The following DLG2 variants were observed in gnomAD, a reference collection of about 807,000 sequenced individuals.
DLG2 encodes discs large MAGUK scaffold protein 2, also known as disks large homolog 2.
Under a neutral mutation model 132.5 loss-of-function variants are expected in DLG2, and 45 were observed. The ratio of observed to expected loss-of-function variants is 0.34; its 90% CI spans 0.27 to 0.44. The LOEUF (loss-of-function observed/expected upper bound fraction) is 0.44, where lower values mean the gene tolerates loss of function less well. Ranked by LOEUF, DLG2 falls within the 20% of genes least tolerant of loss-of-function variation. DLG2 has a pLI of 1.00. For missense variants in DLG2, 1,045 were observed against 1,196.9 expected (o/e 0.87, Z 1.87); for synonymous variants, 424 against 419.6 (o/e 1.01, Z -0.13).
intron 15 of DLG2, among the ~76,000 whole-genome samples, chr11:83,908,830 C>T (rs2075524619): frequency 6.6e-6 from 1 of 152,204 alleles, no homozygotes; most frequent in East Asian, 1.9e-4. Context: ...AACTCCTAGG[C>T]TCAAGTGATT....
Position 85,337,916 on chromosome 11 carries a change from A to C in DLG2, c.41-52551T>G, listed in dbSNP as rs563356696. On this transcript the variant is annotated intron_variant, in intron 3 of 27. Coordinates refer to ENST00000376104, the MANE Select transcript of DLG2 (RefSeq NM_001142699.3). ...CTAGAAATATTAAATGTAATCATTA[A>C]AGTTAAAAATTCACTTGACTAGTTA... Among the ~76,000 whole-genome samples, 5 of 152,374 alleles carry C rather than the reference A, an allele frequency of 3.3e-5. No homozygotes were observed. The South Asian group carries it at 1.0e-3, about 32-fold the overall frequency.
chr11:84,163,634 G>T, intron 8 of DLG2, 123 bp from the exon 9 acceptor site: 1 of 727,354 alleles, frequency 1.4e-6, no homozygotes, highest in Non-Finnish European at 2.2e-6. Context: ...ACATTTTCTT[G>T]ATATTTCTGA....
chr11:85,249,025 A>AT (rs577850851), intron 4 of DLG2, among the ~76,000 whole-genome samples: 141 of 152,120 alleles, frequency 9.3e-4, no homozygotes, highest in African/African-American at 3.2e-3. Context: ...ACATCTAAGG[A>AT]TTTTTTTTAA....
chr11:84,142,403 T>C (rs1466679374), intron 9 of DLG2, among the ~76,000 whole-genome samples: 2 of 151,584 alleles, frequency 1.3e-5, no homozygotes, highest in Non-Finnish European at 2.9e-5. Flanking sequence ...TTGCCAGAGA[T>C]AAATTTAAAA....
chr11:83,569,213 T>G (rs2096758784), intron 19 of DLG2, among the ~76,000 whole-genome samples: 1 of 152,156 alleles, frequency 6.6e-6, no homozygotes, highest in South Asian at 2.1e-4. Flanking sequence ...TTTTTTTAAT[T>G]CTGAATTTGA....
intron 6 of DLG2, among the ~76,000 whole-genome samples, chr11:85,065,565 A>G (rs554418495): frequency 6.6e-6 from 1 of 150,678 alleles, no homozygotes; most frequent in Non-Finnish European, 1.5e-5. Context: ...TTTATTAAAA[A>G]TTTTTTTTAT....
chr11:85,611,092 G>C lies in DLG2; in HGVS notation c.-92-12304C>G, dbSNP rs370292826. 5.3e-5 allele frequency among the ~76,000 whole-genome samples: 8 copies of C among 152,300 alleles called. No homozygotes were observed. The East Asian group carries it at 7.7e-4, about 15-fold the overall frequency. On this transcript the variant is annotated intron_variant, in intron 2 of 27. Coordinates refer to ENST00000376104, the MANE Select transcript of DLG2 (RefSeq NM_001142699.3). ...CTCTATATGTCACAGAGACAGCAGG[G>C]ATAGCTCTTGGAGTCCTTACGCAGG...
intron 7 of DLG2, among the ~76,000 whole-genome samples, chr11:84,459,185 G>C (rs897617099): frequency 6.7e-6 from 1 of 150,232 alleles, no homozygotes; most frequent in African/African-American, 2.4e-5. Flanking sequence ...TCTTTGATTC[G>C]CATTTCTTCC....
At chr11:84,160,482 A>C (rs540352155) in intron 9 of DLG2, among the ~76,000 whole-genome samples, 4 of 152,318 alleles carry the variant, frequency 2.6e-5, no homozygotes, top group Non-Finnish European at 5.9e-5. Context: ...TGAGAACATG[A>C]AACAGGTTAA....
At chr11:83,878,258 G>C (rs558925988) in intron 15 of DLG2, among the ~76,000 whole-genome samples, 1 of 152,226 alleles carries the variant, frequency 6.6e-6, no homozygotes, top group South Asian at 2.1e-4. Flanking sequence ...CGCAGCTCAG[G>C]GTTGGCACAC....
chr11:83,675,907 G>T (rs923768210), intron 18 of DLG2, among the ~76,000 whole-genome samples: 7 of 152,116 alleles, frequency 4.6e-5, no homozygotes, highest in African/African-American at 1.7e-4. Flanking sequence ...ACCATCATAT[G>T]CTTGGCCTTC....
chr11:83,825,422 C>G (rs553348184), intron 17 of DLG2, among the ~76,000 whole-genome samples: 1 of 151,988 alleles, frequency 6.6e-6, no homozygotes, highest in Middle Eastern at 3.4e-3. Flanking sequence ...CTCAGGTGAA[C>G]TGCCCAACTC....
intron 17 of DLG2, chr11:83,790,502 G>A: frequency 5.6e-6 from 7 of 1,256,040 alleles, no homozygotes; most frequent in Non-Finnish European, 8.1e-6. Flanking sequence ...TTTGCACTGA[G>A]ACATAAACTC....
At chr11:83,882,483 T>G (rs1007294840) in intron 15 of DLG2, among the ~76,000 whole-genome samples, 2 of 152,220 alleles carry the variant, frequency 1.3e-5, no homozygotes, top group African/African-American at 4.8e-5. Context: ...TTTCATTCCA[T>G]AGCCAAAGAT....
chr11:83,774,544 C>T (rs887503555), intron 18 of DLG2, among the ~76,000 whole-genome samples: 1 of 152,048 alleles, frequency 6.6e-6, no homozygotes, highest in East Asian at 1.9e-4. Context: ...CATATCTATC[C>T]GATTTCACAG....
At chr11:83,967,110 CACA>C (rs1325850475) in intron 12 of DLG2, among the ~76,000 whole-genome samples, 1 of 151,934 alleles carries the variant, frequency 6.6e-6, no homozygotes, top group Non-Finnish European at 1.5e-5. Context: ...GCATATATAC[CACA>C]TTTTCTTTAT....
intron 8 of DLG2, among the ~76,000 whole-genome samples, chr11:84,238,241 A>G (rs1012721716): frequency 2.0e-5 from 3 of 152,066 alleles, no homozygotes; most frequent in African/African-American, 7.2e-5. Flanking sequence ...AAGGCCAGGC[A>G]TGGAGGCTTA....
At chr11:84,403,371 C>T (rs183447148) in intron 7 of DLG2, among the ~76,000 whole-genome samples, 5 of 152,246 alleles carry the variant, frequency 3.3e-5, no homozygotes, top group East Asian at 1.9e-4. Context: ...AGTCTTTAAA[C>T]GGTCCCCAGT....
chr11:83,925,201 G>A (rs188101872), intron 15 of DLG2, among the ~76,000 whole-genome samples: 7 of 152,184 alleles, frequency 4.6e-5, no homozygotes, highest in African/African-American at 1.7e-4. Flanking sequence ...ATTGCAGGCA[G>A]CCAACTCATC....
Sources: allele counts gnomAD v4.1 joint callset (sites outside exome capture counted in the v4.1 genomes callset), GRCh38; gene constraint gnomAD v4.1.1; transcripts MANE v1.5; gene names NCBI Gene and HGNC (gene_info 2026-07-23, HGNC 2026-07-21).